The following QRICH1 variants were observed in gnomAD, a reference collection of about 807,000 sequenced individuals.
QRICH1 encodes the protein transcriptional regulator QRICH1.
A neutral mutation model predicts 87.1 loss-of-function variants in QRICH1; 16 were observed. The ratio of observed to expected loss-of-function variants is 0.18; its 90% confidence interval spans 0.12 to 0.28. The LOEUF (loss-of-function observed/expected upper bound fraction) is 0.28. Among genes scored for constraint, QRICH1 ranks in the 10% least tolerant of loss-of-function variants. The pLI, the probability that QRICH1 is intolerant of heterozygous loss-of-function variation, is 1.00. For missense variants in QRICH1, 647 were observed against 951.7 expected, an observed-to-expected ratio of 0.68 and a Z score of 4.21; for synonymous variants, 367 against 368.4, an observed-to-expected ratio of 1.00 and a Z score of 0.05.
intron 2 of QRICH1, among the ~76,000 whole-genome samples, chr3:49,069,193 TC>T (rs2106950268): frequency 6.8e-6 from 1 of 147,614 alleles, no homozygotes; most frequent in East Asian, 2.0e-4. Context: ...AACCTCCGCC[TC>T]CCGGGTTCAA....
chr3:49,068,313 T>C (rs1472459662), intron 2 of QRICH1, among the ~76,000 whole-genome samples: 1 of 151,968 alleles, frequency 6.6e-6, no homozygotes, highest in Non-Finnish European at 1.5e-5. Context: ...GCTATGATTG[T>C]GCCACTCTAC....
chr3:49,075,123 A>G (rs909149239), intron 2 of QRICH1, among the ~76,000 whole-genome samples: 1 of 151,102 alleles, frequency 6.6e-6, no homozygotes, highest in Non-Finnish European at 1.5e-5. Context: ...AGAGTTCAAG[A>G]CCAGCCTGGG....
At chr3:49,039,409 G>A (rs961003947) in intron 6 of QRICH1, among the ~76,000 whole-genome samples, 3 of 149,306 alleles carry the variant, frequency 2.0e-5, no homozygotes, top group African/African-American at 2.5e-5. Flanking sequence ...GGCTGGGCCC[G>A]GTGGCTCATG....
At chr3:49,080,462 G>C (rs2042036710) in intron 1 of QRICH1, among the ~76,000 whole-genome samples, 1 of 151,098 alleles carries the variant, frequency 6.6e-6, no homozygotes, top group African/African-American at 2.4e-5. Context: ...GAGTAGATGG[G>C]AATTCAATAT....
intron 3 of QRICH1, among the ~76,000 whole-genome samples, chr3:49,054,464 G>C (rs921213791): frequency 3.9e-5 from 6 of 151,920 alleles, no homozygotes; most frequent in African/African-American, 1.5e-4. Flanking sequence ...CTTTGGGAAG[G>C]CAACAACCCC....
chr3:49,078,180 TA>T (rs2041988080), intron 1 of QRICH1, among the ~76,000 whole-genome samples: 1 of 152,150 alleles, frequency 6.6e-6, no homozygotes, highest in Non-Finnish European at 1.5e-5. Context: ...GCAATCAGGA[TA>T]GATACACTAG....
intron 5 of QRICH1, among the ~76,000 whole-genome samples, chr3:49,045,832 A>T (rs2093336022): frequency 6.6e-6 from 1 of 151,732 alleles, no homozygotes; most frequent in South Asian, 2.1e-4. Context: ...GGCTCAAGCG[A>T]TCCTCCTGCC....
At chr3:49,082,831 C>T (rs1003889513) in intron 1 of QRICH1, among the ~76,000 whole-genome samples, 6 of 146,910 alleles carry the variant, frequency 4.1e-5, no homozygotes, top group African/African-American at 1.5e-4. Context: ...GGAGGCAGAG[C>T]TTGCAGTGAG....
chr3:49,056,808 G>A (rs1413600400), intron 3 of QRICH1, 54 bp downstream of exon 3: 2 of 1,612,994 alleles, frequency 1.2e-6, no homozygotes, highest in Non-Finnish European at 8.5e-7. Flanking sequence ...GCTCTGTGCT[G>A]CACTGGGCCC....
chr3:49,053,515 A>T (rs1242203075), intron 3 of QRICH1, among the ~76,000 whole-genome samples: 2 of 150,828 alleles, frequency 1.3e-5, no homozygotes, highest in African/African-American at 4.9e-5. Context: ...ACAAGTCTCA[A>T]CAATGGGCTG....
At chr3:49,044,341 T>G (rs1300650942) in intron 6 of QRICH1, 49 bp downstream of exon 6, 1 of 1,422,584 alleles carries the variant, frequency 7.0e-7, no homozygotes, top group Non-Finnish European at 9.7e-7. Flanking sequence ...CTATTGATCT[T>G]TCTTAAATCC....
Position 49,076,694 on chromosome 3 carries a change from G to C in QRICH1, c.309+15C>G. 1 of 1,524,208 alleles carries C rather than the reference G, an allele frequency of 6.6e-7. No individual in the cohort carries two copies. The highest frequency in any genetic ancestry group is 8.8e-7 in the Non-Finnish European group (1 of 1,131,434). 94.4% of individuals were successfully genotyped at this position (1,524,208 alleles called of 1,614,324 possible). A position where few individuals can be genotyped will look rare whatever the true frequency, so the allele number is the denominator to read the frequency against. ...AGTACATTAAACAGGCTGCACCTCA[G>C]CATTTCCCATATACCTGAACCTGCT... On this transcript the variant is annotated intron_variant, in intron 2 of 9. Transcript: ENST00000395443.
At chr3:49,077,091 C>T (rs920272280) in intron 1 of QRICH1, 53 bp from the exon 2 acceptor site, 2 of 1,206,992 alleles carry the variant, frequency 1.7e-6, no homozygotes, top group African/African-American at 1.6e-5. Flanking sequence ...AGGAAATGCC[C>T]AGAAGCAATT....
intron 3 of QRICH1, among the ~76,000 whole-genome samples, chr3:49,050,559 C>T (rs2106879146): frequency 6.6e-6 from 1 of 152,064 alleles, no homozygotes; most frequent in Non-Finnish European, 1.5e-5. Flanking sequence ...CAAAGTTTTG[C>T]ATCAGGCCCA....
chr3:49,073,303 G>A (rs2041881743), intron 2 of QRICH1, among the ~76,000 whole-genome samples: 1 of 152,130 alleles, frequency 6.6e-6, no homozygotes, highest in Admixed American at 6.6e-5. Flanking sequence ...GTACTTTGGA[G>A]GCCAAGGCCG....
chr3:49,036,721 C>T lies in QRICH1; in HGVS notation c.1787-3493G>A, dbSNP rs995717852. Among the ~76,000 whole-genome samples, 10 of 151,480 alleles carry T rather than the reference C, an allele frequency of 6.6e-5. 1 individual carries two copies. Among genetic ancestry groups the T allele is most frequent in the African/African-American group, 2.4e-4 (10 of 41,248 alleles). Reference sequence around the variant, plus strand: ...CAAAAAAAAAAAACAGCCGTTAACCCTTCCTCTTCTATACAATCTATACCA... The same window carrying T: ...CAAAAAAAAAAAACAGCCGTTAACCTTTCCTCTTCTATACAATCTATACCA... On this transcript the variant is annotated intron_variant, in intron 6 of 9. Transcript: ENST00000395443.
At chr3:49,040,018 A>G (rs1187277262) in intron 6 of QRICH1, among the ~76,000 whole-genome samples, 1 of 152,122 alleles carries the variant, frequency 6.6e-6, no homozygotes, top group African/African-American at 2.4e-5. Flanking sequence ...CCGAGATCAT[A>G]CCACTGCACT....
chr3:49,063,984 G>A (rs752201030), intron 2 of QRICH1, among the ~76,000 whole-genome samples: 4 of 151,404 alleles, frequency 2.6e-5, no homozygotes, highest in African/African-American at 9.7e-5. Flanking sequence ...TCAGCTCACC[G>A]CAACCTCTGC....
At chr3:49,062,893 G>T (rs372605264) in intron 2 of QRICH1, among the ~76,000 whole-genome samples, 1 of 151,694 alleles carries the variant, frequency 6.6e-6, no homozygotes, top group African/African-American at 2.4e-5. Context: ...CCAGCTACTC[G>T]GGAGGCTGAG....
Sources: allele counts gnomAD v4.1 joint callset (sites outside exome capture counted in the v4.1 genomes callset), GRCh38; gene constraint gnomAD v4.1.1; transcripts MANE v1.5; gene names NCBI Gene and HGNC (gene_info 2026-07-23, HGNC 2026-07-21).